Variants in AK8 observed in about 807,000 individuals in gnomAD.
The protein encoded by AK8 is ATP-AMP transphosphorylase 8.
Under a neutral mutation model 54.6 loss-of-function variants are expected in AK8, and 44 were observed. That is an observed-to-expected ratio of 0.81 (90% CI 0.63 to 1.04). The LOEUF (loss-of-function observed/expected upper bound fraction) is 1.04, where lower values mean the gene tolerates loss of function less well. AK8 is among the 50% of genes least tolerant of loss of function. The pLI is 0.00. For synonymous variants in AK8, 239 were observed against 245.6 expected, an observed-to-expected ratio of 0.97 and a Z score of 0.25; for missense variants, 555 against 613.6, an observed-to-expected ratio of 0.90 and a Z score of 1.01.
intron 6 of AK8, 115 bp downstream of exon 6, chr9:132,828,530 G>T: frequency 1.2e-6 from 1 of 817,776 alleles, no homozygotes; most frequent in Non-Finnish European, 1.9e-6. Context: ...TTCCTTGCTG[G>T]GTCTCAGACG....
chr9:132,867,042 T>G, intron 2 of AK8, 89 bp from the exon 3 acceptor site: 2 of 1,275,604 alleles, frequency 1.6e-6, no homozygotes, highest in South Asian at 2.4e-5. Context: ...TATTTCTCCC[T>G]CCCTAGATTT....
chr9:132,841,791 T>C (rs1282944093), intron 5 of AK8, among the ~76,000 whole-genome samples: 2 of 152,222 alleles, frequency 1.3e-5, no homozygotes, highest in Non-Finnish European at 2.9e-5. Flanking sequence ...ACTTTTATGT[T>C]ACACATTTAT....
At chr9:132,757,001 ATT>A (rs1443478694) in intron 11 of AK8, among the ~76,000 whole-genome samples, 1 of 152,148 alleles carries the variant, frequency 6.6e-6, no homozygotes, top group Non-Finnish European at 1.5e-5. Context: ...CATGATCAAG[ATT>A]TTATGAGCAC....
chr9:132,733,185 A>G (rs1423126490), intron 11 of AK8, among the ~76,000 whole-genome samples: 1 of 152,036 alleles, frequency 6.6e-6, no homozygotes, highest in Non-Finnish European at 1.5e-5. Context: ...CTTGATAATG[A>G]CTTCCATTCA....
chr9:132,830,271 G>A (rs1486314429), intron 5 of AK8, among the ~76,000 whole-genome samples: 1 of 152,162 alleles, frequency 6.6e-6, no homozygotes, highest in Non-Finnish European at 1.5e-5. Context: ...TGTTGTATAT[G>A]CATCTCGATG....
At chr9:132,748,944 G>C (rs1175148881) in intron 11 of AK8, among the ~76,000 whole-genome samples, 2 of 151,936 alleles carry the variant, frequency 1.3e-5, no homozygotes, top group East Asian at 3.9e-4. Flanking sequence ...GCGCGATCTC[G>C]GCTCACTGCA....
At chr9:132,815,604 T>C (rs1841292390) in intron 9 of AK8, among the ~76,000 whole-genome samples, 1 of 151,812 alleles carries the variant, frequency 6.6e-6, no homozygotes, top group Non-Finnish European at 1.5e-5. Context: ...TGCAGTCACC[T>C]GGCCAGTGGC....
chr9:132,753,229 C>T (rs1838032149), intron 11 of AK8, among the ~76,000 whole-genome samples: 1 of 152,214 alleles, frequency 6.6e-6, no homozygotes, highest in South Asian at 2.1e-4. Context: ...CCCTGTCACC[C>T]CCCTAGTAAG....
intron 10 of AK8, among the ~76,000 whole-genome samples, chr9:132,813,761 C>T (rs980125117): frequency 6.6e-6 from 1 of 152,138 alleles, no homozygotes; most frequent in African/African-American, 2.4e-5. Context: ...CAAAGGTGCC[C>T]TTACTGTGGG....
intron 11 of AK8, among the ~76,000 whole-genome samples, chr9:132,731,205 G>C (rs571517000): frequency 1.4e-4 from 22 of 152,304 alleles, no homozygotes; most frequent in African/African-American, 5.1e-4. Context: ...AATTCCGAGT[G>C]ATTTGTGTGT....
intron 11 of AK8, among the ~76,000 whole-genome samples, chr9:132,731,084 G>A (rs1396332612): frequency 3.3e-5 from 5 of 152,118 alleles, no homozygotes; most frequent in South Asian, 2.1e-4. Flanking sequence ...AATCCCAAAC[G>A]CCGAAATCCT....
intron 2 of AK8, among the ~76,000 whole-genome samples, chr9:132,869,134 T>C (rs1399391396): frequency 6.6e-6 from 1 of 152,194 alleles, no homozygotes; most frequent in African/African-American, 2.4e-5. Context: ...GAGCTGAGAC[T>C]GCGCCACTGC....
chr9:132,814,562 G>T, intron 10 of AK8, 76 bp downstream of exon 10: 1 of 1,419,412 alleles, frequency 7.0e-7, no homozygotes, highest in Non-Finnish European at 9.7e-7. Context: ...GCCCCTGAAT[G>T]TTCAGAGAGC....
chr9:132,778,238 G>A (rs927798332), intron 11 of AK8, among the ~76,000 whole-genome samples: 1 of 152,138 alleles, frequency 6.6e-6, no homozygotes, highest in African/African-American at 2.4e-5. Context: ...AGCAAGGCAG[G>A]GTCACCCGGG....
intron 12 of AK8, among the ~76,000 whole-genome samples, chr9:132,727,069 A>G (rs10901205): frequency 0.56 from 85,777 of 151,822 alleles, 24,448 homozygotes; most frequent in Admixed American, 0.69. Flanking sequence ...CCTCAAAGGC[A>G]ACTTGTGCCC....
At chr9:132,773,206 T>C (rs1003362277) in intron 11 of AK8, among the ~76,000 whole-genome samples, 5 of 152,082 alleles carry the variant, frequency 3.3e-5, no homozygotes, top group African/African-American at 1.2e-4. Context: ...CTCAGGGCCT[T>C]TGCACTGTAG....
intron 4 of AK8, among the ~76,000 whole-genome samples, chr9:132,855,536 G>A (rs955988352): frequency 1.3e-5 from 2 of 152,056 alleles, no homozygotes; most frequent in Admixed American, 1.3e-4. Context: ...CGGTGGGAGT[G>A]TCTACACCAC....
chr9:132,746,127 C>G (rs1837637570), intron 11 of AK8, among the ~76,000 whole-genome samples: 1 of 152,214 alleles, frequency 6.6e-6, no homozygotes, highest in Middle Eastern at 3.4e-3. Context: ...CCATCGGAGC[C>G]GCGCAGCCAA....
chr9:132,877,669 C>A, intron 1 of AK8: 1 of 363,472 alleles, frequency 2.8e-6, no homozygotes, highest in Non-Finnish European at 5.5e-6. Flanking sequence ...GAGGAGGGAC[C>A]AAGGTGGGAG....
Sources: gnomAD v4.1 joint callset for allele counts (sites outside exome capture counted in the v4.1 genomes callset) on GRCh38, gnomAD v4.1.1 for gene constraint, MANE v1.5 for transcripts, NCBI Gene and HGNC (gene_info 2026-07-23, HGNC 2026-07-21) for gene names.